The following CAMK2D variants were observed in gnomAD, a reference collection of about 807,000 sequenced individuals.
CAMK2D encodes calcium/calmodulin dependent protein kinase II delta.
Under a neutral mutation model 84.0 loss-of-function variants are expected in CAMK2D, and 37 were observed. That is an observed-to-expected ratio of 0.44 (90% CI 0.34 to 0.58). The LOEUF (loss-of-function observed/expected upper bound fraction) is 0.58, where lower values mean the gene tolerates loss of function less well. Among genes scored for constraint, CAMK2D ranks in the 20% least tolerant of loss-of-function variants. The pLI is 0.02. For synonymous variants in CAMK2D, 202 were observed against 212.5 expected (o/e 0.95, Z 0.43); for missense variants, 448 against 652.5 (o/e 0.69, Z 3.41).
intron 16 of CAMK2D, among the ~76,000 whole-genome samples, chr4:113,489,339 T>C (rs1317809212): frequency 2.1e-5 from 3 of 140,792 alleles, no homozygotes; most frequent in Non-Finnish European, 4.5e-5. Flanking sequence ...CCTTCCTGTG[T>C]CTATGTGATC....
intron 4 of CAMK2D, among the ~76,000 whole-genome samples, chr4:113,595,338 T>A (rs2098919647): frequency 6.6e-6 from 1 of 152,128 alleles, no homozygotes; most frequent in Admixed American, 6.5e-5. Context: ...AAAGAAGGAA[T>A]AAGTGAAGAC....
intron 17 of CAMK2D, among the ~76,000 whole-genome samples, chr4:113,464,882 G>T (rs528420430): frequency 2.6e-5 from 4 of 152,050 alleles, no homozygotes; most frequent in Middle Eastern, 3.2e-3. Context: ...ATATTTTTTT[G>T]TGTGTTTGCT....
At chr4:113,553,789 G>A (rs972565830) in intron 4 of CAMK2D, among the ~76,000 whole-genome samples, 11 of 152,044 alleles carry the variant, frequency 7.2e-5, no homozygotes, top group African/African-American at 2.4e-4. Flanking sequence ...TATTTATTCC[G>A]ATTAGAATCT....
intron 12 of CAMK2D, 86 bp downstream of exon 12, chr4:113,513,242 G>T: frequency 1.3e-6 from 2 of 1,577,436 alleles, no homozygotes; most frequent in Non-Finnish European, 1.7e-6. Context: ...CTAATTATTA[G>T]ATTTTTAAAA....
At chr4:113,598,508 C>T (rs554574001) in intron 4 of CAMK2D, among the ~76,000 whole-genome samples, 2 of 152,192 alleles carry the variant, frequency 1.3e-5, no homozygotes, top group South Asian at 4.2e-4. Context: ...AGACCAAACA[C>T]ATAATCCATG....
chr4:113,502,436 C>G (rs1386949682), intron 15 of CAMK2D, among the ~76,000 whole-genome samples: 2 of 121,738 alleles, frequency 1.6e-5, no homozygotes, highest in Middle Eastern at 4.7e-3. Context: ...TCATCACCAA[C>G]AAGGAATTAA....
intron 6 of CAMK2D, among the ~76,000 whole-genome samples, chr4:113,539,847 C>T (rs1366914239): frequency 3.3e-5 from 5 of 151,792 alleles, no homozygotes; most frequent in South Asian, 4.2e-4. Flanking sequence ...AATTATATAA[C>T]GAAAATGTAA....
At position 113,452,663 on chromosome 4, in the gene CAMK2D, C is replaced by G. The variant is rs1361633671; in HGVS notation, c.*1882G>C. On this transcript the variant is annotated 3_prime_UTR_variant, in exon 21 of 21. Transcript: ENST00000511664. Reference sequence around the variant, plus strand: ...CTAAGTTAAAAGTGTAAAAAAAACACTCTACATCTATTTTTTTTTCTTTAA... The same window carrying G: ...CTAAGTTAAAAGTGTAAAAAAAACAGTCTACATCTATTTTTTTTTCTTTAA... 6.6e-6 allele frequency: 1 copy of G among 152,390 alleles called. No individual in the cohort carries two copies. Among genetic ancestry groups the G allele is most frequent in the Non-Finnish European group, 1.5e-5 (1 of 67,994 alleles). 9.4% of individuals were successfully genotyped at this position (152,390 alleles called of 1,614,324 possible). A position where few individuals can be genotyped will look rare whatever the true frequency, so the allele number is the denominator to read the frequency against.
At chr4:113,501,044 C>A (rs890525935) in intron 15 of CAMK2D, among the ~76,000 whole-genome samples, 14 of 152,046 alleles carry the variant, frequency 9.2e-5, no homozygotes, top group African/African-American at 3.4e-4. Context: ...GGGGGTTAAG[C>A]TGAGATATGC....
At chr4:113,636,007 A>T (rs2099108627) in intron 3 of CAMK2D, among the ~76,000 whole-genome samples, 1 of 152,164 alleles carries the variant, frequency 6.6e-6, no homozygotes, top group African/African-American at 2.4e-5. Context: ...TCAACTTCTG[A>T]TTTTATATTC....
chr4:113,576,726 A>G (rs2098784630), intron 4 of CAMK2D, among the ~76,000 whole-genome samples: 1 of 152,098 alleles, frequency 6.6e-6, no homozygotes, highest in Admixed American at 6.6e-5. Context: ...ATTTTTTTTA[A>G]AAGAGAATTT....
intron 3 of CAMK2D, among the ~76,000 whole-genome samples, chr4:113,629,742 A>G (rs1191938021): frequency 1.3e-5 from 2 of 151,620 alleles, no homozygotes; most frequent in East Asian, 1.9e-4. Context: ...ATGATAATAT[A>G]TATCAAACAA....
At chr4:113,733,692 A>C (rs1291986712) in intron 2 of CAMK2D, among the ~76,000 whole-genome samples, 1 of 152,208 alleles carries the variant, frequency 6.6e-6, no homozygotes, top group Non-Finnish European at 1.5e-5. Flanking sequence ...GTTTTAATAC[A>C]AAGACAAAAT....
At chr4:113,728,307 C>A (rs2099552249) in intron 2 of CAMK2D, among the ~76,000 whole-genome samples, 1 of 152,150 alleles carries the variant, frequency 6.6e-6, no homozygotes, top group Non-Finnish European at 1.5e-5. Flanking sequence ...TACTACTACT[C>A]CTCAGCCATA....
rs1314777722 is a variant in CAMK2D, at chr4:113,761,287, ATCC to A, written c.-222_-220del. 5.6e-6 allele frequency: 8 copies of A among 1,427,212 alleles called. No individual in the cohort carries two copies. The highest frequency in any genetic ancestry group is 2.9e-5 in the African/African-American group (2 of 69,400). 88.4% of individuals were successfully genotyped at this position (1,427,212 alleles called of 1,614,324 possible). ...GGGGTCTCCTCCCCACAGTCCGCCG[ATCC>A]TCCTCCTCCTGCGGGCCTCGCTTCC... On this transcript the variant is annotated 5_prime_UTR_variant, in exon 1 of 21. Transcript: ENST00000511664.
At chr4:113,473,633 T>TA (rs1256345785) in intron 16 of CAMK2D, among the ~76,000 whole-genome samples, 5 of 152,022 alleles carry the variant, frequency 3.3e-5, no homozygotes, top group East Asian at 1.9e-4. Context: ...CTTTCAGGAT[T>TA]AAAAAAAATA....
intron 2 of CAMK2D, among the ~76,000 whole-genome samples, chr4:113,735,361 G>C (rs1474278004): frequency 6.9e-6 from 1 of 144,702 alleles, no homozygotes; most frequent in South Asian, 2.2e-4. Context: ...TGTGGTCACA[G>C]CTACTTGGGA....
At chr4:113,747,305 C>CTT (rs56062730) in intron 2 of CAMK2D, among the ~76,000 whole-genome samples, 58,791 of 114,286 alleles carry the variant, frequency 0.51, 12,186 homozygotes, top group South Asian at 0.58. Flanking sequence ...GAATTTTGAA[C>CTT]TTTTTTTTTT....
intron 3 of CAMK2D, among the ~76,000 whole-genome samples, chr4:113,644,350 T>C (rs1441411652): frequency 6.6e-6 from 1 of 152,176 alleles, no homozygotes; most frequent in Non-Finnish European, 1.5e-5. Context: ...TCAAAATTAT[T>C]CTAGAAGCAG....
Sources: gnomAD v4.1 joint callset for allele counts (sites outside exome capture counted in the v4.1 genomes callset) on GRCh38, gnomAD v4.1.1 for gene constraint, MANE v1.5 for transcripts, NCBI Gene and HGNC (gene_info 2026-07-23, HGNC 2026-07-21) for gene names.